WDR72: variants seen among roughly 807,000 people sequenced by gnomAD.
WDR72 encodes WD repeat domain 72.
WDR72 carries 120 observed loss-of-function variants against 124.2 expected under a neutral mutation model. The observed-to-expected ratio is 0.97, with a 90% confidence interval of 0.83 to 1.12. The LOEUF is 1.12. Ranked by LOEUF, WDR72 falls within the 50% of genes most tolerant of loss-of-function variation. The pLI is 0.00. For missense variants in WDR72, 1,387 were observed against 1,278.8 expected, an observed-to-expected ratio of 1.08 and a Z score of -1.29; for synonymous variants, 452 against 441.7, an observed-to-expected ratio of 1.02 and a Z score of -0.29.
intron 13 of WDR72, among the ~76,000 whole-genome samples, chr15:53,686,432 T>G (rs2016627463): frequency 6.7e-6 from 1 of 149,518 alleles, no homozygotes; most frequent in African/African-American, 2.5e-5. Flanking sequence ...TAAAACAGAC[T>G]TTAAACCAAC....
chr15:53,704,931 G>A (rs952961717), intron 11 of WDR72, 57 bp downstream of exon 11: 3 of 1,599,658 alleles, frequency 1.9e-6, no homozygotes, highest in East Asian at 2.2e-5. Flanking sequence ...AGTGCAGTCT[G>A]TTGAAATTGC....
chr15:53,541,279 T>C lies in WDR72; in HGVS notation c.3149-17957A>G, dbSNP rs376002288. 7.3e-3 allele frequency among the ~76,000 whole-genome samples: 1,107 copies of C among 152,252 alleles called. 6 individuals are homozygous for C. Among genetic ancestry groups the C allele is most frequent in the Non-Finnish European group, 0.012 (845 of 68,030 alleles). ...TTGAAGAGAGCAGTGGTTCTCCCAG[T>C]ACGCAGCTGGAGATCTGAGAACGGG... On this transcript the variant is annotated intron_variant, in intron 18 of 19. Transcript: ENST00000360509.
chr15:53,626,572 T>C (rs2014219414), intron 14 of WDR72, among the ~76,000 whole-genome samples: 1 of 152,134 alleles, frequency 6.6e-6, no homozygotes, highest in South Asian at 2.1e-4. Context: ...AGAGTTCCCA[T>C]ACAAAGGGAG....
intron 9 of WDR72, among the ~76,000 whole-genome samples, chr15:53,706,344 GTGTGTGTATATATA>G (rs1220428404): frequency 2.6e-3 from 120 of 46,048 alleles, no homozygotes; most frequent in African/African-American, 0.011. Flanking sequence ...GTGTGTGTGT[GTGTGTGTATATATA>G]TATATATATA....
At chr15:53,660,709 A>C (rs1474192090) in intron 14 of WDR72, among the ~76,000 whole-genome samples, 1 of 152,210 alleles carries the variant, frequency 6.6e-6, no homozygotes, top group African/African-American at 2.4e-5. Flanking sequence ...TATTTAAAGA[A>C]AATTCCATTA....
intron 3 of WDR72, among the ~76,000 whole-genome samples, chr15:53,719,824 C>T (rs565416257): frequency 3.9e-4 from 60 of 152,300 alleles, no homozygotes; most frequent in African/African-American, 1.2e-3. Context: ...CTGGTGCACG[C>T]TCAGGATTGA....
chr15:53,567,053 C>G (rs937512302), intron 18 of WDR72, among the ~76,000 whole-genome samples: 5 of 151,874 alleles, frequency 3.3e-5, no homozygotes, highest in African/African-American at 1.2e-4. Flanking sequence ...GGGAGTGATT[C>G]CTGTGTACCT....
At chr15:53,672,361 G>T (rs2016025474) in intron 13 of WDR72, among the ~76,000 whole-genome samples, 1 of 149,174 alleles carries the variant, frequency 6.7e-6, no homozygotes, top group Non-Finnish European at 1.5e-5. Context: ...AGCTGTTTCA[G>T]GAGACGAGCA....
chr15:53,678,453 C>G (rs150446104), intron 13 of WDR72, among the ~76,000 whole-genome samples: 4 of 152,202 alleles, frequency 2.6e-5, no homozygotes, highest in Non-Finnish European at 5.9e-5. Flanking sequence ...CTCTATAGAA[C>G]CATTTCCTTT....
rs59003623 is a variant in WDR72, at chr15:53,529,164, A to ATATATATTTTTTTTTT, written c.3149-5843_3149-5842insAAAAAAAAAATATATA. Among the ~76,000 whole-genome samples, 451 of 77,936 alleles carry ATATATATTTTTTTTTT rather than the reference A, an allele frequency of 5.8e-3. 6 individuals are homozygous for ATATATATTTTTTTTTT. Among genetic ancestry groups the ATATATATTTTTTTTTT allele is most frequent in the African/African-American group, 0.022 (433 of 19,876 alleles). The allele number at this position is 77,936 out of a possible 152,430, so 51.1% of individuals were successfully genotyped here. A position where few individuals can be genotyped will look rare whatever the true frequency, so the allele number is the denominator to read the frequency against. ...TTAGCCCATATATATATATATATATATTTTTTTTTTTTTTTTTAAAAGAAT... is the reference window on the plus strand; with the variant it reads ...TTAGCCCATATATATATATATATATATATATATTTTTTTTTTTTTTTTTTTTTTTTTTTAAAAGAAT... On this transcript the variant is annotated intron_variant, in intron 18 of 19. Transcript: ENST00000360509.
chr15:53,643,479 A>G (rs187471802), intron 14 of WDR72, among the ~76,000 whole-genome samples: 404 of 152,250 alleles, frequency 2.7e-3, no homozygotes, highest in Non-Finnish European at 4.2e-3. Flanking sequence ...CTAAAACGTT[A>G]AAGTCCCTAG....
At chr15:53,590,560 G>A (rs889929501) in intron 18 of WDR72, among the ~76,000 whole-genome samples, 4 of 151,962 alleles carry the variant, frequency 2.6e-5, no homozygotes, top group Admixed American at 6.6e-5. Flanking sequence ...TCATACAGAA[G>A]GCACTTGGTA....
At position 53,615,766 on chromosome 15, in the gene WDR72, G is replaced by C. The variant is rs1268476894; in HGVS notation, c.2440C>G (p.Leu814Val). ...AAAATATTGAGGTGCTTAATGCAAA[G>C]ATAATCTAAATCTTTATCCACTCCC... ...PWGVDKDLDY[L>V]CIKHLNILKL... Residue 814 changes from leucine (L) to valine (V), a missense_variant, in exon 15 of 20, where the codon CTT becomes GTT. Transcript: ENST00000360509. 6.2e-7 allele frequency: 1 copy of C among 1,613,384 alleles called. No individual in the cohort carries two copies.
chr15:53,632,825 C>T (rs2014482617), intron 14 of WDR72, among the ~76,000 whole-genome samples: 1 of 152,218 alleles, frequency 6.6e-6, no homozygotes, highest in South Asian at 2.1e-4. Flanking sequence ...TAGTCCCTTT[C>T]TTCTGACCAA....
intron 18 of WDR72, among the ~76,000 whole-genome samples, chr15:53,568,491 T>C (rs1460425085): frequency 6.6e-6 from 1 of 151,946 alleles, no homozygotes; most frequent in Non-Finnish European, 1.5e-5. Flanking sequence ...TGTAAACATT[T>C]TCCTTAACTA....
chr15:53,736,190 C>A (rs1349109334), intron 1 of WDR72, among the ~76,000 whole-genome samples: 2 of 152,168 alleles, frequency 1.3e-5, no homozygotes, highest in Non-Finnish European at 2.9e-5. Flanking sequence ...CCTTTCCCTT[C>A]TTTGCTAATT....
At chr15:53,675,516 T>C (rs2140469091) in intron 13 of WDR72, among the ~76,000 whole-genome samples, 1 of 152,310 alleles carries the variant, frequency 6.6e-6, no homozygotes, top group South Asian at 2.1e-4. Context: ...TACAAAACTA[T>C]AAAATTATAC....
intron 13 of WDR72, among the ~76,000 whole-genome samples, chr15:53,671,872 T>G (rs1015942290): frequency 1.4e-5 from 2 of 146,184 alleles, no homozygotes; most frequent in Non-Finnish European, 3.0e-5. Flanking sequence ...AAAGATGAGA[T>G]GGAAATAAGA....
At chr15:53,737,844 T>C (rs2018400857) in intron 1 of WDR72, among the ~76,000 whole-genome samples, 1 of 152,116 alleles carries the variant, frequency 6.6e-6, no homozygotes, top group Non-Finnish European at 1.5e-5. Context: ...AGGAATTAAA[T>C]AAAAATACAT....
Sources: allele counts gnomAD v4.1 joint callset (sites outside exome capture counted in the v4.1 genomes callset), GRCh38; gene constraint gnomAD v4.1.1; transcripts MANE v1.5; gene names NCBI Gene and HGNC (gene_info 2026-07-23, HGNC 2026-07-21).